Variants in DYM observed in about 807,000 individuals in gnomAD.
DYM encodes the protein dyggve-Melchior-Clausen syndrome protein.
DYM carries 78 observed loss-of-function variants against 93.1 expected under a neutral mutation model. The observed-to-expected ratio is 0.84, with a 90% CI of 0.70 to 1.01. DYM has a LOEUF of 1.01. Ranked by LOEUF, DYM falls within the 50% of genes least tolerant of loss-of-function variation. The probability of loss-of-function intolerance (pLI) is 0.00; values close to 1 mark genes in which losing one functional copy is unlikely to be tolerated. For missense variants in DYM, 789 were observed against 845.0 expected, an observed-to-expected ratio of 0.93 and a Z score of 0.82; for synonymous variants, 321 against 319.7, an observed-to-expected ratio of 1.00 and a Z score of -0.04.
chr18:49,248,725 G>C (rs918766653), intron 13 of DYM, among the ~76,000 whole-genome samples: 3 of 151,956 alleles, frequency 2.0e-5, no homozygotes, highest in Non-Finnish European at 4.4e-5. Context: ...CTTCAGCAGT[G>C]GTAGGCATTC....
At chr18:49,423,187 AAACT>A (rs1262758836) in intron 2 of DYM, among the ~76,000 whole-genome samples, 1 of 152,220 alleles carries the variant, frequency 6.6e-6, no homozygotes, top group African/African-American at 2.4e-5. Flanking sequence ...AAATTATAAC[AAACT>A]GTCTCTCAGA....
At chr18:49,314,382 G>T (rs2061794828) in intron 8 of DYM, among the ~76,000 whole-genome samples, 1 of 152,174 alleles carries the variant, frequency 6.6e-6, no homozygotes, top group Non-Finnish European at 1.5e-5. Context: ...ATGGTCTTCT[G>T]ACTTGCTTCA....
chr18:49,373,947 C>T (rs2067263712), intron 5 of DYM, among the ~76,000 whole-genome samples: 1 of 152,154 alleles, frequency 6.6e-6, no homozygotes, highest in African/African-American at 2.4e-5. Context: ...ACAAAACTAA[C>T]ACACGCAAGA....
rs546753369 is a variant in DYM, at chr18:49,105,338, T to A, written c.1912-7823A>T. Among the ~76,000 whole-genome samples, 12 of 152,334 alleles carry A rather than the reference T, an allele frequency of 7.9e-5. No homozygotes were observed. The South Asian group carries it at 2.5e-3, about 32-fold the overall frequency. On this transcript the variant is annotated intron_variant, in intron 16 of 17. Coordinates refer to ENST00000675505, the MANE Select transcript of DYM (RefSeq NM_001353214.3). ...TCTTGCTAGCAGTCTATCAATTTTG[T>A]TGATCTTTTCAAAAAACCAGCTCCT... is the stretch of plus-strand genomic sequence containing the variant.
intron 17 of DYM, among the ~76,000 whole-genome samples, chr18:49,061,098 C>T (rs1035700033): frequency 3.9e-5 from 6 of 152,120 alleles, no homozygotes; most frequent in African/African-American, 9.7e-5. Flanking sequence ...GCAGCGCCTC[C>T]GAACCATGGT....
At chr18:49,372,115 T>C (rs1402899789) in intron 5 of DYM, among the ~76,000 whole-genome samples, 2 of 152,246 alleles carry the variant, frequency 1.3e-5, no homozygotes. Flanking sequence ...CCTGTACCAC[T>C]GTATATTATC....
rs34066907 is a variant in DYM, at chr18:49,298,581, CA to C, written c.764-11966del. On this transcript the variant is annotated intron_variant, in intron 8 of 17. Transcript: ENST00000675505. ...GGGTGACAAGAGCGAAACTCCGTCT[CA>C]AAAAAAAAAAAAAAATTCTGTCAGA... 2.6e-3 allele frequency among the ~76,000 whole-genome samples: 352 copies of C among 134,514 alleles called. 2 individuals carry two copies. Among genetic ancestry groups the C allele is most frequent in the African/African-American group, 6.5e-3 (233 of 35,960 alleles). The allele number at this position is 134,514 out of a possible 152,430, so 88.2% of individuals were successfully genotyped here.
In DYM at chr18:49,044,178, A is replaced by G; in HGVS notation, c.2052T>C (p.Tyr684=). 1 of 1,614,190 alleles carries G rather than the reference A, an allele frequency of 6.2e-7. No homozygotes were observed. The highest frequency in any genetic ancestry group is 8.5e-7 in the Non-Finnish European group (1 of 1,180,030). Residue 684 remains tyrosine (Y), a synonymous_variant, in exon 18 of 18, where the codon TAT becomes TAC. Transcript: ENST00000675505. ...ACTCCTCGGGCTGCTCCTCTTCCACATATTTGAATTTCAATTCTGGAAATT... is the reference window on the plus strand; with the variant it reads ...ACTCCTCGGGCTGCTCCTCTTCCACGTATTTGAATTTCAATTCTGGAAATT... ...LKKFPELKFK[Y]VEEEQPEEFF...
intron 11 of DYM, among the ~76,000 whole-genome samples, chr18:49,261,481 GC>G (rs1381317459): frequency 2.6e-5 from 4 of 152,180 alleles, no homozygotes; most frequent in Non-Finnish European, 4.4e-5. Context: ...GACCAGCCTG[GC>G]CAACATGGTG....
chr18:49,109,730 A>G (rs1422636273), intron 16 of DYM, among the ~76,000 whole-genome samples: 3 of 152,262 alleles, frequency 2.0e-5, no homozygotes, highest in Non-Finnish European at 4.4e-5. Flanking sequence ...TAAAGGACAG[A>G]ACCCTGAGCT....
chr18:49,349,075 G>C (rs1046229180), intron 6 of DYM, among the ~76,000 whole-genome samples: 2 of 152,046 alleles, frequency 1.3e-5, no homozygotes, highest in African/African-American at 4.8e-5. Context: ...GAGCATGGTG[G>C]TGGGCGCCTG....
intron 1 of DYM, among the ~76,000 whole-genome samples, chr18:49,441,665 T>C (rs2081637433): frequency 6.6e-6 from 1 of 151,176 alleles, no homozygotes; most frequent in South Asian, 2.1e-4. Context: ...GATGGGAAGG[T>C]GACAGAGGAG....
intron 2 of DYM, among the ~76,000 whole-genome samples, chr18:49,401,655 C>T (rs2070841623): frequency 6.6e-6 from 1 of 152,078 alleles, no homozygotes; most frequent in Admixed American, 6.6e-5. Flanking sequence ...CGCACACACA[C>T]ACAAAATCTG....
At chr18:49,115,037 C>G (rs1466736239) in intron 16 of DYM, among the ~76,000 whole-genome samples, 3 of 152,198 alleles carry the variant, frequency 2.0e-5, no homozygotes, top group Non-Finnish European at 2.9e-5. Flanking sequence ...CGCTGTATCA[C>G]TTGCTGAATG....
At chr18:49,070,356 C>G (rs1014336218) in intron 17 of DYM, among the ~76,000 whole-genome samples, 1 of 152,180 alleles carries the variant, frequency 6.6e-6, no homozygotes, top group African/African-American at 2.4e-5. Flanking sequence ...AGGTGAGAAA[C>G]TGATGCACAG....
intron 17 of DYM, among the ~76,000 whole-genome samples, chr18:49,069,857 A>G (rs2076748635): frequency 6.6e-6 from 1 of 152,218 alleles, no homozygotes; most frequent in Non-Finnish European, 1.5e-5. Flanking sequence ...CCTGACCAAC[A>G]TGGTGAAACC....
intron 16 of DYM, among the ~76,000 whole-genome samples, chr18:49,109,890 A>C (rs2081232418): frequency 6.6e-6 from 1 of 150,954 alleles, no homozygotes; most frequent in South Asian, 2.1e-4. Context: ...TTATCTCCCA[A>C]CACACATGTG....
At chr18:49,121,719 A>G (rs891590431) in intron 15 of DYM, among the ~76,000 whole-genome samples, 1 of 152,238 alleles carries the variant, frequency 6.6e-6, no homozygotes, top group Non-Finnish European at 1.5e-5. Flanking sequence ...AGGCACAAAG[A>G]TAAGAATCAC....
intron 17 of DYM, among the ~76,000 whole-genome samples, chr18:49,071,072 A>G (rs2076847380): frequency 6.6e-6 from 1 of 152,226 alleles, no homozygotes; most frequent in Non-Finnish European, 1.5e-5. Flanking sequence ...CCTGTAGGTT[A>G]GGGCTGGGAT....
Sources: allele counts gnomAD v4.1 joint callset (sites outside exome capture counted in the v4.1 genomes callset), GRCh38; gene constraint gnomAD v4.1.1; transcripts MANE v1.5; gene names NCBI Gene and HGNC (gene_info 2026-07-23, HGNC 2026-07-21).